ANO1: variants seen among roughly 807,000 people sequenced by gnomAD.
ANO1 encodes anoctamin 1.
Under a neutral mutation model 124.0 loss-of-function variants are expected in ANO1, and 59 were observed. The observed-to-expected ratio is 0.48, with a 90% confidence interval of 0.39 to 0.59. The LOEUF is 0.59. ANO1 is among the 20% of genes least tolerant of loss of function. The pLI is 0.00. For missense variants in ANO1, 1,059 were observed against 1,328.0 expected (o/e 0.80, Z 3.15); for synonymous variants, 529 against 532.0 (o/e 0.99, Z 0.08).
chr11:70,090,444 T>A (rs1468589982), intron 2 of ANO1, among the ~76,000 whole-genome samples: 1 of 152,326 alleles, frequency 6.6e-6, no homozygotes, highest in South Asian at 2.1e-4. Context: ...CTTATCCTGA[T>A]GGAAAAGCTA....
At chr11:70,096,485 C>T (rs2044968586) in intron 2 of ANO1, among the ~76,000 whole-genome samples, 1 of 152,160 alleles carries the variant, frequency 6.6e-6, no homozygotes, top group Non-Finnish European at 1.5e-5. Flanking sequence ...TCACTGGGAG[C>T]CCAAACCCTG....
Position 70,126,213 on chromosome 11 carries a change from C to A in ANO1, c.1097+18C>A. On this transcript the variant is annotated intron_variant, in intron 10 of 25. Transcript: ENST00000355303. ...ATCCCCAGGTAGGCGGCAGCCCACC[C>A]CCACCACCCCGCAGTACACAGAGGA... The A allele has an allele frequency of 6.2e-7, 1 of 1,607,730 alleles. No homozygotes were observed.
At chr11:70,167,206 C>T (rs1318925949) in intron 20 of ANO1, 36 bp from the exon 21 acceptor site, 1 of 1,610,112 alleles carries the variant, frequency 6.2e-7, no homozygotes, top group South Asian at 1.1e-5. Context: ...AATTCACCCT[C>T]CTGCAAACCT....
upstream of ANO1, among the ~76,000 whole-genome samples, chr11:70,074,714 T>C (rs1419194249): frequency 6.6e-6 from 1 of 152,098 alleles, no homozygotes; most frequent in Non-Finnish European, 1.5e-5. Context: ...CAAGAAACAT[T>C]TTTAGTTGTC....
intron 22 of ANO1, among the ~76,000 whole-genome samples, chr11:70,173,230 C>T (rs576002793): frequency 6.6e-6 from 1 of 152,268 alleles, no homozygotes; most frequent in East Asian, 1.9e-4. Context: ...ATTTGCACTG[C>T]GTAAGGCCCT....
At chr11:70,011,517 T>C (rs969817768) in intron 1 of ANO1, among the ~76,000 whole-genome samples, 7 of 152,116 alleles carry the variant, frequency 4.6e-5, no homozygotes, top group Non-Finnish European at 7.4e-5. Context: ...TGGGGACATA[T>C]CCTTCATCCA....
intron 1 of ANO1, chr11:70,021,011 G>C (rs1856797568): frequency 6.6e-6 from 1 of 152,124 alleles, no homozygotes; most frequent in South Asian, 2.1e-4. Context: ...TTACAGACAG[G>C]CCATAAGTGA....
At chr11:70,112,559 T>C (rs974569219) in intron 7 of ANO1, among the ~76,000 whole-genome samples, 9 of 150,592 alleles carry the variant, frequency 6.0e-5, no homozygotes, top group South Asian at 2.1e-4. Context: ...TTTTCTTTTT[T>C]TTTTTTTTTT....
chr11:70,042,513 CAGAGAGAG>C lies in ANO1; in HGVS notation c.59-36011_59-36004del, dbSNP rs140488432. Among the ~76,000 whole-genome samples the C allele has an allele frequency of 5.2e-4, 77 of 148,526 alleles. No homozygotes were observed. The East Asian group carries it at 0.01, about 20-fold the overall frequency. ...ACGCACACACACACATACATATACA[CAGAGAGAG>C]AGAGAGAGAGAGAGAGATTGAGAGA... On this transcript the variant is annotated intron_variant, in intron 1 of 27. Coordinates refer to the ANO1 transcript ENST00000531349.
chr11:70,095,714 G>A (rs997729024), intron 2 of ANO1, among the ~76,000 whole-genome samples: 3 of 152,226 alleles, frequency 2.0e-5, no homozygotes, highest in South Asian at 2.1e-4. Flanking sequence ...ATTGGCAGAT[G>A]CTGCAAATCA....
chr11:69,984,360 G>C (rs2375289), upstream of ANO1, among the ~76,000 whole-genome samples: 132,230 of 151,838 alleles, frequency 0.87, 57,985 homozygotes, highest in East Asian at 0.99. Context: ...GAGTGCCTGT[G>C]TGGGATTTTG....
In ANO1 at chr11:70,052,616, G is replaced by A. The variant is rs183985180; in HGVS notation, c.59-25926G>A. Among the ~76,000 whole-genome samples the A allele has an allele frequency of 5.4e-3, 697 of 129,646 alleles. 4 individuals are homozygous for A. The highest frequency in any genetic ancestry group is 0.019 in the African/African-American group (669 of 34,566). The allele number at this position is 129,646 out of a possible 152,430, so 85.1% of individuals were successfully genotyped here. Reference sequence around the variant, plus strand: ...CGCCCAGGCTGGAGTGCAATGGCGCGATCTTGGCTCACTTCAACCTCTGCC... The same window carrying A: ...CGCCCAGGCTGGAGTGCAATGGCGCAATCTTGGCTCACTTCAACCTCTGCC... On this transcript the variant is annotated intron_variant, in intron 1 of 27. Coordinates refer to the ANO1 transcript ENST00000531349.
chr11:69,981,774 T>C (rs1855962000), upstream of ANO1, among the ~76,000 whole-genome samples: 1 of 152,216 alleles, frequency 6.6e-6, no homozygotes, highest in South Asian at 2.1e-4. Flanking sequence ...CAAAGACCCT[T>C]TGGAAACAGT....
the ANO1 span, among the ~76,000 whole-genome samples, chr11:69,979,742 G>A: frequency 1.3e-5 from 2 of 152,090 alleles, no homozygotes; most frequent in Non-Finnish European, 2.9e-5. Flanking sequence ...ACACTTTTAG[G>A]GGCAAAGGGA....
intron 8 of ANO1, among the ~76,000 whole-genome samples, chr11:70,121,364 TCTCTGTCTCTGTCTCTCCATCTGC>T (rs2046259128): frequency 6.6e-6 from 1 of 151,158 alleles, no homozygotes; most frequent in South Asian, 2.1e-4. Context: ...TCTGTCTGTC[TCTCTGTCTCTGTCTCTCCATCTGC>T]CTCTGTCTCT....
chr11:69,994,532 TA>T (rs1856224267), intron 1 of ANO1, among the ~76,000 whole-genome samples: 1 of 152,208 alleles, frequency 6.6e-6, no homozygotes, highest in Non-Finnish European at 1.5e-5. Flanking sequence ...AGATAATCTC[TA>T]TAGACATCAT....
At chr11:69,992,149 G>A (rs1554997615) in intron 1 of ANO1, among the ~76,000 whole-genome samples, 1 of 152,048 alleles carries the variant, frequency 6.6e-6, no homozygotes, top group African/African-American at 2.4e-5. Flanking sequence ...GGATGGATGA[G>A]TGATGGGTGG....
chr11:70,106,139 G>A lies in ANO1; in HGVS notation c.747+351G>A, dbSNP rs117403502. Among the ~76,000 whole-genome samples the A allele has an allele frequency of 3.2e-3, 491 of 152,274 alleles. 1 individual carries two copies. The highest frequency in any genetic ancestry group is 4.7e-3 in the Non-Finnish European group (319 of 68,014). On this transcript the variant is annotated intron_variant, in intron 5 of 25. Coordinates refer to ENST00000355303, the MANE Select transcript of ANO1 (RefSeq NM_018043.7). ...TGTGCGTGCCTGACCATCAGGCCAC[G>A]ATTCGGGGCTTTCAGGGCAGGCAGG... is the stretch of plus-strand genomic sequence containing the variant.
intron 24 of ANO1, among the ~76,000 whole-genome samples, chr11:70,183,586 G>C (rs1374963606): frequency 6.6e-6 from 1 of 152,210 alleles, no homozygotes; most frequent in Non-Finnish European, 1.5e-5. Context: ...GCAAAGCCTT[G>C]AGCACAGAAT....
Sources: allele counts gnomAD v4.1 joint callset (sites outside exome capture counted in the v4.1 genomes callset), GRCh38; gene constraint gnomAD v4.1.1; transcripts MANE v1.5; gene names NCBI Gene and HGNC (gene_info 2026-07-23, HGNC 2026-07-21).